ARFIP1: variants seen among roughly 807,000 people sequenced by gnomAD.
ARFIP1 encodes the protein ARF interacting protein 1.
A neutral mutation model predicts 42.5 loss-of-function variants in ARFIP1; 24 were observed. The observed-to-expected ratio is 0.57, with a 90% CI of 0.41 to 0.80. ARFIP1 has a LOEUF of 0.80. ARFIP1 is among the 30% of genes least tolerant of loss of function. The probability of loss-of-function intolerance (pLI) is 0.00; values close to 1 mark genes in which losing one functional copy is unlikely to be tolerated. For synonymous variants in ARFIP1, 141 were observed against 153.7 expected (o/e 0.92, Z 0.61); for missense variants, 354 against 434.0 (o/e 0.82, Z 1.64).
chr4:152,849,215 T>C (rs1732793572), intron 2 of ARFIP1, among the ~76,000 whole-genome samples: 1 of 152,172 alleles, frequency 6.6e-6, no homozygotes, highest in Non-Finnish European at 1.5e-5. Context: ...AAGGCTTATC[T>C]GTCTTAATTA....
chr4:152,791,107 G>A (rs984362477), intron 1 of ARFIP1, among the ~76,000 whole-genome samples: 4 of 152,192 alleles, frequency 2.6e-5, no homozygotes, highest in African/African-American at 7.2e-5. Context: ...TAGGTATTTA[G>A]CAAAATAGCT....
intron 8 of ARFIP1, among the ~76,000 whole-genome samples, chr4:152,900,128 G>A (rs532685822): frequency 6.6e-6 from 1 of 152,072 alleles, no homozygotes; most frequent in South Asian, 2.1e-4. Flanking sequence ...AGGAAGGAAG[G>A]GTGGAAGGAA....
intron 2 of ARFIP1, among the ~76,000 whole-genome samples, chr4:152,858,413 GT>G (rs1211175441): frequency 1.3e-5 from 2 of 152,152 alleles, no homozygotes; most frequent in Non-Finnish European, 2.9e-5. Flanking sequence ...GATACTTAGT[GT>G]TTTTACTTTG....
At chr4:152,819,214 C>T (rs1276473868) in intron 1 of ARFIP1, among the ~76,000 whole-genome samples, 1 of 152,100 alleles carries the variant, frequency 6.6e-6, no homozygotes, top group Non-Finnish European at 1.5e-5. Context: ...CTGGCACAGC[C>T]CCGTTACAGC....
chr4:152,862,645 TACTTTTA>T (rs1267442907), intron 2 of ARFIP1, among the ~76,000 whole-genome samples: 1 of 152,236 alleles, frequency 6.6e-6, no homozygotes, highest in Non-Finnish European at 1.5e-5. Context: ...TAGCTGTGTT[TACTTTTA>T]ACTTGTCATA....
intron 2 of ARFIP1, among the ~76,000 whole-genome samples, chr4:152,837,026 C>T (rs906586619): frequency 2.6e-5 from 4 of 151,916 alleles, no homozygotes; most frequent in Admixed American, 6.6e-5. Flanking sequence ...TGAGAACATA[C>T]GATGTTTGGT....
chr4:152,834,115 A>T (rs532717006), intron 2 of ARFIP1, among the ~76,000 whole-genome samples: 1 of 152,224 alleles, frequency 6.6e-6, no homozygotes, highest in African/African-American at 2.4e-5. Context: ...AAACAACCAG[A>T]TCTTGTGTAA....
Position 152,804,142 on chromosome 4 carries a change from ACAT to A in ARFIP1, c.-10+23917_-10+23919del. 2.5e-5 allele frequency among the ~76,000 whole-genome samples: 3 copies of A among 121,150 alleles called. 1 individual carries two copies. The highest frequency in any genetic ancestry group is 6.6e-5 in the African/African-American group (2 of 30,202). 79.5% of individuals were successfully genotyped at this position (121,150 alleles called of 152,430 possible). On this transcript the variant is annotated intron_variant, in intron 1 of 8. Transcript: ENST00000353617. Reference sequence around the variant, plus strand: ...TGTATTATATATTATATATAATATAACATGTATTATATATTATATATAATATAA... The same window carrying A: ...TGTATTATATATTATATATAATATAAGTATTATATATTATATATAATATAA...
Position 152,910,496 on chromosome 4 carries a change from A to G in ARFIP1, c.*277A>G, listed in dbSNP as rs574332067. The stretch of plus-strand genomic sequence containing the variant: ...TGATGGCTATTTCTGTAGTTTGAAA[A>G]CATCTAATAGAGATTTGCACTGACA... On this transcript the variant is annotated 3_prime_UTR_variant, in exon 9 of 9. Transcript: ENST00000353617. The G allele has an allele frequency of 3.8e-6, 1 of 260,772 alleles. No individual in the cohort carries two copies. Among genetic ancestry groups the G allele is most frequent in the Admixed American group, 5.2e-5 (1 of 19,298 alleles). 16.2% of individuals were successfully genotyped at this position (260,772 alleles called of 1,614,324 possible). A position where few individuals can be genotyped will look rare whatever the true frequency, so the allele number is the denominator to read the frequency against.
chr4:152,789,722 T>C (rs751524152), intron 1 of ARFIP1, among the ~76,000 whole-genome samples: 4 of 152,248 alleles, frequency 2.6e-5, no homozygotes. Context: ...AGTAGTACTT[T>C]ATTACTTTGT....
chr4:152,819,854 G>C (rs1730219517), intron 1 of ARFIP1, among the ~76,000 whole-genome samples: 1 of 152,112 alleles, frequency 6.6e-6, no homozygotes, highest in South Asian at 2.1e-4. Context: ...TGCAAACATA[G>C]CTACAGCTTC....
chr4:152,826,040 AT>A (rs201886486), intron 1 of ARFIP1, among the ~76,000 whole-genome samples: 4,854 of 152,208 alleles, frequency 0.032, 119 homozygotes, highest in Middle Eastern at 0.058. Flanking sequence ...AGGAATGCTT[AT>A]ACGTTGCTGG....
At chr4:152,875,656 G>A (rs1434718114) in intron 5 of ARFIP1, among the ~76,000 whole-genome samples, 1 of 149,740 alleles carries the variant, frequency 6.7e-6, no homozygotes, top group Non-Finnish European at 1.5e-5. Flanking sequence ...AATCCTTGTT[G>A]TATCTGTCAA....
At chr4:152,825,611 TTC>T (rs1730771844) in intron 1 of ARFIP1, among the ~76,000 whole-genome samples, 1 of 152,194 alleles carries the variant, frequency 6.6e-6, no homozygotes, top group African/African-American at 2.4e-5. Context: ...GCAAAAACTC[TTC>T]TGGACATTGG....
intron 1 of ARFIP1, chr4:152,796,815 A>G (rs1328228967): frequency 3.2e-6 from 2 of 633,002 alleles, no homozygotes; most frequent in African/African-American, 1.9e-5. Flanking sequence ...GTGTAATTCA[A>G]TATATTCATT....
rs1730025188 is a variant in ARFIP1 at position 152,817,814 on chromosome 4, A to G, written c.-9-11811A>G. Among the ~76,000 whole-genome samples, 2 of 152,258 alleles carry G rather than the reference A, an allele frequency of 1.3e-5. 1 individual carries two copies. Among genetic ancestry groups the G allele is most frequent in the South Asian group, 4.1e-4 (2 of 4,838 alleles). ...GCAAAGGACTTGAATAGATATTTCT[A>G]CAAAGATGATATACATGTAGCCAAC... On this transcript the variant is annotated intron_variant, in intron 1 of 8. Coordinates refer to ENST00000353617, the MANE Select transcript of ARFIP1 (RefSeq NM_001025595.3).
intron 1 of ARFIP1, among the ~76,000 whole-genome samples, chr4:152,781,969 A>G (rs1412254180): frequency 6.6e-6 from 1 of 152,222 alleles, no homozygotes; most frequent in Non-Finnish European, 1.5e-5. Flanking sequence ...TCAAATTCTC[A>G]AAGGAGATAT....
At chr4:152,893,994 G>T (rs916543064) in intron 8 of ARFIP1, among the ~76,000 whole-genome samples, 9 of 151,882 alleles carry the variant, frequency 5.9e-5, no homozygotes, top group Admixed American at 2.0e-4. Flanking sequence ...GAGGTGGACG[G>T]ATCACTTGAG....
At chr4:152,806,032 C>T (rs1027139743) in intron 1 of ARFIP1, among the ~76,000 whole-genome samples, 5 of 152,206 alleles carry the variant, frequency 3.3e-5, no homozygotes, top group African/African-American at 9.7e-5. Flanking sequence ...TGGCTAAAGT[C>T]TTACTTGGCA....
Sources: gnomAD v4.1 joint callset for allele counts (sites outside exome capture counted in the v4.1 genomes callset) on GRCh38, gnomAD v4.1.1 for gene constraint, MANE v1.5 for transcripts, NCBI Gene and HGNC (gene_info 2026-07-23, HGNC 2026-07-21) for gene names.